Variants in MGAT5 observed in about 807,000 individuals in gnomAD.
MGAT5 encodes the protein alpha-1,6-mannosylglycoprotein 6-beta-N-acetylglucosaminyltransferase.
Under a neutral mutation model 94.3 loss-of-function variants are expected in MGAT5, and 30 were observed. The observed-to-expected ratio is 0.32, with a 90% confidence interval of 0.24 to 0.43. The LOEUF is 0.43. Ranked by LOEUF, MGAT5 falls within the 20% of genes least tolerant of loss-of-function variation. The pLI is 1.00. For missense variants in MGAT5, 691 were observed against 905.5 expected (o/e 0.76, Z 3.04); for synonymous variants, 310 against 322.9 (o/e 0.96, Z 0.43).
intron 2 of MGAT5, among the ~76,000 whole-genome samples, chr2:134,313,648 C>G (rs920023158): frequency 3.3e-5 from 5 of 152,192 alleles, no homozygotes; most frequent in South Asian, 2.1e-4. Flanking sequence ...TTGGGATAAA[C>G]AGTAGGCAGA....
At chr2:134,263,711 T>G (rs910766501) in intron 1 of MGAT5, among the ~76,000 whole-genome samples, 3 of 152,200 alleles carry the variant, frequency 2.0e-5, no homozygotes, top group African/African-American at 7.2e-5. Flanking sequence ...GGTGGCACTA[T>G]CTTTGATTCT....
At chr2:134,151,804 T>C (rs1687200426) in intron 1 of MGAT5, among the ~76,000 whole-genome samples, 1 of 138,754 alleles carries the variant, frequency 7.2e-6, no homozygotes, top group Non-Finnish European at 1.5e-5. Flanking sequence ...TCATGCCCTA[T>C]GGGAGCCTCC....
intron 10 of MGAT5, among the ~76,000 whole-genome samples, chr2:134,383,940 A>G (rs1236410618): frequency 6.6e-6 from 1 of 151,594 alleles, no homozygotes; most frequent in Non-Finnish European, 1.5e-5. Context: ...CGGCCTCCCA[A>G]AGTGCTGGGA....
intron 1 of MGAT5, among the ~76,000 whole-genome samples, chr2:134,120,699 T>TG (rs981911748): frequency 2.7e-5 from 4 of 150,428 alleles, no homozygotes; most frequent in Admixed American, 2.0e-4. Context: ...AGGAGCCCGG[T>TG]GGGGGTCACG....
intron 2 of MGAT5, among the ~76,000 whole-genome samples, chr2:134,284,306 A>G (rs1026040299): frequency 3.3e-5 from 5 of 152,188 alleles, no homozygotes; most frequent in African/African-American, 1.2e-4. Context: ...AAATTAGTCC[A>G]CTGCCTAAAT....
intron 10 of MGAT5, among the ~76,000 whole-genome samples, chr2:134,365,236 C>G (rs1284397744): frequency 1.3e-5 from 2 of 152,126 alleles, no homozygotes; most frequent in Non-Finnish European, 2.9e-5. Flanking sequence ...TTCACTCTTC[C>G]CACCACCCTC....
intron 1 of MGAT5, among the ~76,000 whole-genome samples, chr2:134,162,250 C>T (rs923095476): frequency 1.3e-4 from 20 of 152,052 alleles, no homozygotes; most frequent in African/African-American, 4.8e-4. Context: ...CCTTGCAGCT[C>T]ACCATGTAAT....
intron 10 of MGAT5, among the ~76,000 whole-genome samples, chr2:134,362,786 G>A (rs1680180609): frequency 6.6e-6 from 1 of 152,230 alleles, no homozygotes; most frequent in Non-Finnish European, 1.5e-5. Flanking sequence ...CTGCTTCTGG[G>A]AGGTAGTCTG....
At chr2:134,265,708 A>C (rs1423010409) in intron 1 of MGAT5, among the ~76,000 whole-genome samples, 3 of 152,250 alleles carry the variant, frequency 2.0e-5, no homozygotes, top group Non-Finnish European at 4.4e-5. Flanking sequence ...GCTCATTAGT[A>C]ATTGAAAATG....
chr2:134,380,786 G>A (rs548967836), intron 10 of MGAT5, among the ~76,000 whole-genome samples: 4 of 152,272 alleles, frequency 2.6e-5, no homozygotes, highest in Admixed American at 1.3e-4. Flanking sequence ...ACTTAACAGA[G>A]CGCAAGAACC....
At chr2:134,224,493 G>A (rs1427912487) in intron 1 of MGAT5, among the ~76,000 whole-genome samples, 2 of 152,096 alleles carry the variant, frequency 1.3e-5, no homozygotes, top group Non-Finnish European at 1.5e-5. Flanking sequence ...AAACACTGTG[G>A]CCCCCAAATA....
chr2:134,207,821 C>G (rs962848178), intron 1 of MGAT5, among the ~76,000 whole-genome samples: 2 of 152,088 alleles, frequency 1.3e-5, no homozygotes, highest in Admixed American at 1.3e-4. Flanking sequence ...AGGTCTTTGC[C>G]CAGAGGCTTG....
intron 2 of MGAT5, among the ~76,000 whole-genome samples, chr2:134,295,358 A>G (rs904607493): frequency 2.6e-5 from 4 of 152,192 alleles, no homozygotes; most frequent in African/African-American, 9.6e-5. Context: ...GGCCCAATCA[A>G]CTGTGTGGCT....
chr2:134,185,173 A>C (rs548753474), intron 1 of MGAT5, among the ~76,000 whole-genome samples: 1 of 152,162 alleles, frequency 6.6e-6, no homozygotes, highest in Admixed American at 6.5e-5. Flanking sequence ...AGAAGACTGC[A>C]TATTGGATAC....
rs902477934 is a variant in MGAT5 at position 134,448,643 on chromosome 2, C to T, written c.2028-6C>T. The T allele has an allele frequency of 1.9e-6, 3 of 1,613,900 alleles. No individual in the cohort carries two copies. The highest frequency in any genetic ancestry group is 2.7e-5 in the African/African-American group (2 of 74,946). ...CCAACACTTGTGCCTTTCTCTTCCT[C>T]TTCAGGTACAAGGTGACCTGCCAAA... On this transcript the variant is annotated splice_polypyrimidine_tract_variant and splice_region_variant and intron_variant, in intron 15 of 15. Coordinates refer to ENST00000281923, the MANE Select transcript of MGAT5 (RefSeq NM_002410.5).
chr2:134,332,479 A>G (rs1324440299), intron 4 of MGAT5, among the ~76,000 whole-genome samples: 7 of 152,220 alleles, frequency 4.6e-5, no homozygotes, highest in Non-Finnish European at 1.0e-4. Flanking sequence ...TAAAACCATA[A>G]AATCCCTAGA....
intron 2 of MGAT5, among the ~76,000 whole-genome samples, chr2:134,296,793 T>G (rs1685701971): frequency 6.6e-6 from 1 of 152,060 alleles, no homozygotes; most frequent in African/African-American, 2.4e-5. Flanking sequence ...ATTGCAGAAA[T>G]TTAAAATAAA....
intron 1 of MGAT5, among the ~76,000 whole-genome samples, chr2:134,258,107 G>A (rs1438217320): frequency 2.0e-5 from 3 of 152,156 alleles, no homozygotes; most frequent in African/African-American, 7.2e-5. Flanking sequence ...TTTCTGGTTA[G>A]AGATTCCAAG....
At chr2:134,413,122 G>T in intron 12 of MGAT5, 107 bp downstream of exon 12, 1 of 1,265,412 alleles carries the variant, frequency 7.9e-7, no homozygotes, top group Non-Finnish European at 1.1e-6. Flanking sequence ...GTGGGAGGGT[G>T]AGGGTATAGA....
Sources: allele counts gnomAD v4.1 joint callset (sites outside exome capture counted in the v4.1 genomes callset), GRCh38; gene constraint gnomAD v4.1.1; transcripts MANE v1.5; gene names NCBI Gene and HGNC (gene_info 2026-07-23, HGNC 2026-07-21).